Variants in TIAM1 observed in about 807,000 individuals in gnomAD.
The protein encoded by TIAM1 is rho guanine nucleotide exchange factor TIAM1.
In TIAM1, 65 loss-of-function variants were observed where a neutral mutation model predicts 163.5. The ratio of observed to expected loss-of-function variants is 0.40; its 90% CI spans 0.33 to 0.49. TIAM1 has a LOEUF of 0.49. Ranked by LOEUF, TIAM1 falls within the 20% of genes least tolerant of loss-of-function variation. The probability of loss-of-function intolerance (pLI) is 0.77; values close to 1 mark genes in which losing one functional copy is unlikely to be tolerated. For synonymous variants in TIAM1, 833 were observed against 810.1 expected (o/e 1.03, Z -0.48); for missense variants, 1,789 against 2,044.7 (o/e 0.87, Z 2.41).
intron 2 of TIAM1, among the ~76,000 whole-genome samples, chr21:31,336,126 A>C (rs2833378): frequency 0.12 from 18,337 of 152,238 alleles, 1,494 homozygotes; most frequent in East Asian, 0.44. Context: ...TCCAAGACAG[A>C]ATAAGTGAAG....
intron 2 of TIAM1, among the ~76,000 whole-genome samples, chr21:31,387,571 G>A (rs1319954190): frequency 1.3e-5 from 2 of 151,968 alleles, no homozygotes; most frequent in East Asian, 1.9e-4. Context: ...GTCTTCTGAC[G>A]ATGTTGGGAA....
Position 31,120,555 on chromosome 21 carries a change from G to A in TIAM1, c.4589C>T (p.Ala1530Val). Reference sequence around the variant, plus strand: ...TCTTTCCCGCTGACTGATGGAGGTGGCCTGAAGCCGCTCCTGCAGGTCTCT... The same window carrying A: ...TCTTTCCCGCTGACTGATGGAGGTGACCTGAAGCCGCTCCTGCAGGTCTCT... ...VDRDLQERLQ[A>V]TSISQRERGR... Residue 1530 changes from alanine (A) to valine (V), a missense_variant, in exon 28 of 28, where the codon GCC (alanine) becomes GTC (valine). Physicochemically the swap from Ala to Val is moderately conservative, Grantham distance 64. Around this residue, in one of 5 missense-constraint regions of TIAM1, gnomAD observed 415 missense variants for 439.2 expected, o/e 0.94. Transcript: ENST00000541036. The surrounding 1 kb of genome is among the most constrained non-coding windows in gnomAD (Gnocchi z 4.2). The A allele has an allele frequency of 6.2e-7, 1 of 1,614,176 alleles. No homozygotes were observed. The highest frequency in any genetic ancestry group is 1.6e-4 in the Middle Eastern group (1 of 6,062).
intron 2 of TIAM1, among the ~76,000 whole-genome samples, chr21:31,432,468 G>A (rs1159694850): frequency 6.6e-6 from 1 of 152,178 alleles, no homozygotes; most frequent in Non-Finnish European, 1.5e-5. Context: ...GTACCAAAGC[G>A]AGGAGCCAGA....
intron 2 of TIAM1, among the ~76,000 whole-genome samples, chr21:31,384,596 C>A (rs1012281327): frequency 6.6e-6 from 1 of 151,980 alleles, no homozygotes; most frequent in African/African-American, 2.4e-5. Flanking sequence ...AGAAAGAAAG[C>A]TTTCCCAACC....
At chr21:31,220,682 T>C (rs1486811810) in intron 8 of TIAM1, among the ~76,000 whole-genome samples, 3 of 152,184 alleles carry the variant, frequency 2.0e-5, no homozygotes, top group African/African-American at 7.2e-5. Flanking sequence ...CTTGGGGCCT[T>C]GTAAACTGCA....
intron 6 of TIAM1, among the ~76,000 whole-genome samples, chr21:31,241,482 T>C (rs2071173215): frequency 6.6e-6 from 1 of 152,172 alleles, no homozygotes; most frequent in Non-Finnish European, 1.5e-5. Flanking sequence ...AGCTGACTAC[T>C]AAACTAGCTG....
intron 1 of TIAM1, among the ~76,000 whole-genome samples, chr21:31,474,773 C>G (rs541974924): frequency 1.3e-5 from 2 of 151,386 alleles, no homozygotes; most frequent in Admixed American, 6.6e-5. Flanking sequence ...CTCGAACTCC[C>G]GACCTCAGTT....
intron 6 of TIAM1, among the ~76,000 whole-genome samples, chr21:31,241,464 T>C (rs1305046989): frequency 6.6e-6 from 1 of 152,158 alleles, no homozygotes; most frequent in East Asian, 1.9e-4. Flanking sequence ...AATCTCTCTC[T>C]AATAATTAGC....
chr21:31,501,919 C>T (rs1396883245), intron 1 of TIAM1, among the ~76,000 whole-genome samples: 1 of 151,980 alleles, frequency 6.6e-6, no homozygotes, highest in Non-Finnish European at 1.5e-5. Context: ...GTGGTTTTTA[C>T]CAACAACAAA....
intron 1 of TIAM1, among the ~76,000 whole-genome samples, chr21:31,489,513 GGGAA>G (rs1166005835): frequency 1.8e-5 from 2 of 108,366 alleles, no homozygotes; most frequent in Non-Finnish European, 3.8e-5. Flanking sequence ...GAGACAGGGA[GGGAA>G]GGAAGGGAGG....
intron 1 of TIAM1, among the ~76,000 whole-genome samples, chr21:31,524,016 C>CAA (rs201873084): frequency 4.9e-4 from 68 of 138,922 alleles, no homozygotes; most frequent in Non-Finnish European, 8.5e-4. Flanking sequence ...GACCCCAACT[C>CAA]AAAAAAAAAA....
chr21:31,126,923 C>G (rs1163646494), intron 26 of TIAM1, 142 bp downstream of exon 26: 2 of 742,276 alleles, frequency 2.7e-6, no homozygotes, highest in East Asian at 5.5e-5. Context: ...TCAGCTCCTC[C>G]CAGCTGACTC....
chr21:31,553,140 C>A (rs1432406049), intron 1 of TIAM1, among the ~76,000 whole-genome samples: 1 of 152,154 alleles, frequency 6.6e-6, no homozygotes, highest in African/African-American at 2.4e-5. Context: ...TTCTGAGAGA[C>A]CAAAGTGGGT....
intron 6 of TIAM1, among the ~76,000 whole-genome samples, chr21:31,227,907 T>A (rs1310217472): frequency 1.3e-5 from 2 of 151,816 alleles, no homozygotes; most frequent in Non-Finnish European, 2.9e-5. Context: ...GGGGTTATAC[T>A]CCCAGCCCTT....
chr21:31,330,987 T>C (rs1449595844), intron 2 of TIAM1, among the ~76,000 whole-genome samples: 1 of 152,142 alleles, frequency 6.6e-6, no homozygotes, highest in African/African-American at 2.4e-5. Flanking sequence ...TTGTCCCTAT[T>C]AAATAAACAT....
At chr21:31,214,707 A>ACAAGAATG (rs1474217301) in intron 9 of TIAM1, among the ~76,000 whole-genome samples, 1 of 152,220 alleles carries the variant, frequency 6.6e-6, no homozygotes, top group Admixed American at 6.5e-5. Flanking sequence ...TATCCCTAAA[A>ACAAGAATG]CAAGAATGTA....
chr21:31,284,345 C>A (rs1051722907), intron 2 of TIAM1, among the ~76,000 whole-genome samples: 1 of 152,114 alleles, frequency 6.6e-6, no homozygotes, highest in Non-Finnish European at 1.5e-5. Context: ...AAAATTGAGC[C>A]ACCCTTAGGT....
intron 2 of TIAM1, among the ~76,000 whole-genome samples, chr21:31,286,872 G>T (rs2073829601): frequency 6.6e-6 from 1 of 151,972 alleles, no homozygotes; most frequent in African/African-American, 2.4e-5. Context: ...TGGTCAAAAG[G>T]CCTTGAGTCC....
chr21:31,236,105 C>T (rs1486768576), intron 6 of TIAM1, among the ~76,000 whole-genome samples: 1 of 152,226 alleles, frequency 6.6e-6, no homozygotes, highest in Non-Finnish European at 1.5e-5. Flanking sequence ...ACCAGCTATT[C>T]AGTGTCAAAA....
Sources: gnomAD v4.1 joint callset for allele counts (sites outside exome capture counted in the v4.1 genomes callset) on GRCh38, gnomAD v4.1.1 for gene constraint, gnomAD v4.1.1 regional missense constraint, Gnocchi (gnomAD v3.1) non-coding constraint, MANE v1.5 for transcripts, NCBI Gene and HGNC (gene_info 2026-07-23, HGNC 2026-07-21) for gene names.